LAMA3: variants seen among roughly 807,000 people sequenced by gnomAD.
LAMA3 encodes the protein laminin subunit alpha-3.
A neutral mutation model predicts 402.0 loss-of-function variants in LAMA3; 281 were observed. The ratio of observed to expected loss-of-function variants is 0.70; its 90% CI spans 0.63 to 0.77. The LOEUF (loss-of-function observed/expected upper bound fraction) is 0.77. Ranked by LOEUF, LAMA3 falls within the 30% of genes least tolerant of loss-of-function variation. The pLI is 0.00. For missense variants in LAMA3, 3,840 were observed against 4,215.5 expected, an observed-to-expected ratio of 0.91 and a Z score of 2.47; for synonymous variants, 1,431 against 1,558.4, an observed-to-expected ratio of 0.92 and a Z score of 1.93.
intron 1 of LAMA3, among the ~76,000 whole-genome samples, chr18:23,696,125 A>G (rs1199199284): frequency 6.6e-6 from 1 of 152,234 alleles, no homozygotes; most frequent in Non-Finnish European, 1.5e-5. Flanking sequence ...ATTTGTGTGC[A>G]TGAAAGACAT....
chr18:23,932,224 T>A lies in LAMA3; in HGVS notation c.8641T>A (p.Ser2881Thr). ...CAAAAGGCTAAAACACATTTCAAGT[T>A]CCCGGCAGTCTCTGCGTCTGGGCGG... ...NSKRLKHISS[S>T]RQSLRLGGSN... is the part of the protein sequence containing the mutation. The change falls in exon 66 of 75, where the codon TCC becomes ACC. Residue 2881 changes from serine to threonine, a missense_variant. Around this residue, in one of 3 missense-constraint regions of LAMA3, gnomAD observed 840 missense variants for 981.9 expected, o/e 0.86. Transcript: ENST00000313654. The A allele has an allele frequency of 6.2e-7, 1 of 1,614,154 alleles. No homozygotes were observed. The highest frequency in any genetic ancestry group is 8.5e-7 in the Non-Finnish European group (1 of 1,179,968).
At position 23,904,588 on chromosome 18, in the gene LAMA3, G is replaced by T. The variant is rs148728856; in HGVS notation, c.6509G>T (p.Arg2170Leu). The change falls in exon 51 of 75, where the codon CGC (arginine) becomes CTC (leucine). Residue 2170 changes from arginine to leucine, a missense_variant. By Grantham distance (102) the Arg-to-Leu change is moderately radical. Coordinates refer to ENST00000313654, the MANE Select transcript of LAMA3 (RefSeq NM_198129.4). ...KRNASGDELV[R>L]CAVDAATAYE... is the part of the protein sequence containing the mutation. ...AACGCCAGCGGGGATGAGCTGGTGC[G>T]CTGTGCTGTGGATGCCGCCACCGCC... 2.5e-6 allele frequency: 4 copies of T among 1,609,446 alleles called. No individual in the cohort carries two copies. The highest frequency in any genetic ancestry group is 2.2e-5 in the East Asian group (1 of 44,778).
intron 66 of LAMA3, among the ~76,000 whole-genome samples, chr18:23,933,245 A>G (rs1392798614): frequency 1.3e-5 from 2 of 152,304 alleles, no homozygotes; most frequent in African/African-American, 4.8e-5. Flanking sequence ...AGAAAGAACT[A>G]TAGTATCCCG....
intron 23 of LAMA3, 62 bp from the exon 24 acceptor site, chr18:23,833,766 G>T: frequency 6.3e-7 from 1 of 1,578,242 alleles, no homozygotes; most frequent in Non-Finnish European, 8.7e-7. Context: ...CATTGCTGAT[G>T]CAAGTGTGGC....
chr18:23,706,109 G>T (rs1448499986), intron 1 of LAMA3, among the ~76,000 whole-genome samples: 1 of 151,892 alleles, frequency 6.6e-6, no homozygotes, highest in Admixed American at 6.6e-5. Context: ...ATATTGCTGA[G>T]ATTCATCAAT....
At chr18:23,898,208 G>A (rs899501833) in intron 44 of LAMA3, 4 of 159,746 alleles carry the variant, frequency 2.5e-5, no homozygotes, top group Non-Finnish European at 5.5e-5. Flanking sequence ...AGCAATCACC[G>A]ATGAGCTATA....
intron 18 of LAMA3, among the ~76,000 whole-genome samples, chr18:23,816,883 G>A (rs949957321): frequency 3.9e-5 from 6 of 152,128 alleles, no homozygotes; most frequent in African/African-American, 1.2e-4. Flanking sequence ...CACACACCCA[G>A]TTGCCTGGGC....
At chr18:23,899,240 A>G (rs1355627330) in intron 46 of LAMA3, 48 bp from the exon 47 acceptor site, 2 of 1,543,450 alleles carry the variant, frequency 1.3e-6, no homozygotes, top group Admixed American at 1.7e-5. Context: ...TAAGTAGCCT[A>G]CTGGAGCCCA....
intron 2 of LAMA3, among the ~76,000 whole-genome samples, chr18:23,731,873 A>G (rs1278280383): frequency 6.6e-6 from 1 of 152,218 alleles, no homozygotes; most frequent in African/African-American, 2.4e-5. Context: ...CAATATACCC[A>G]TGTAACAAAC....
chr18:23,934,549 C>T (rs1599137733), intron 67 of LAMA3, among the ~76,000 whole-genome samples: 1 of 152,308 alleles, frequency 6.6e-6, no homozygotes, highest in Non-Finnish European at 1.5e-5. Flanking sequence ...AACACAGGAT[C>T]AGGGTTTAAG....
At position 23,819,913 on chromosome 18, in the gene LAMA3, T is replaced by G; in HGVS notation, c.2220T>G (p.Asn740Lys). Residue 740 changes from asparagine to lysine, a missense_variant, in exon 19 of 75, where the codon AAT (asparagine) becomes AAG (lysine). Physicochemically the swap from Asn to Lys is moderately conservative, Grantham distance 94. Around this residue, in one of 3 missense-constraint regions of LAMA3, gnomAD observed 2,109 missense variants for 2,376.0 expected, o/e 0.89. Transcript: ENST00000313654. ...AGATTGAAGACGGCAGCACACCTAA[T>G]GGGAGAGACCTTCGATTTGGATTTG... is the stretch of plus-strand genomic sequence containing the variant. ...KYEIEDGSTP[N>K]GRDLRFGFDP... 6.2e-7 allele frequency: 1 copy of G among 1,614,128 alleles called. No homozygotes were observed. The highest frequency in any genetic ancestry group is 8.5e-7 in the Non-Finnish European group (1 of 1,179,986).
chr18:23,917,140 G>T (rs753600147), intron 60 of LAMA3, among the ~76,000 whole-genome samples: 1 of 152,030 alleles, frequency 6.6e-6, no homozygotes, highest in African/African-American at 2.4e-5. Flanking sequence ...CTGTTCCTAC[G>T]TTCGTTTGTT....
intron 23 of LAMA3, among the ~76,000 whole-genome samples, chr18:23,832,345 C>G (rs1419747370): frequency 1.3e-5 from 2 of 152,130 alleles, no homozygotes; most frequent in African/African-American, 2.4e-5. Flanking sequence ...GGCTGATCCA[C>G]ATTCTTTCCC....
intron 70 of LAMA3, 55 bp from the exon 71 acceptor site, chr18:23,949,710 C>T: frequency 6.3e-7 from 1 of 1,582,102 alleles, no homozygotes; most frequent in East Asian, 2.2e-5. Flanking sequence ...CTTGGCTACC[C>T]ATGCCTTTCT....
chr18:23,814,747 T>TG (rs1489857717), intron 15 of LAMA3, among the ~76,000 whole-genome samples: 1 of 152,270 alleles, frequency 6.6e-6, no homozygotes, highest in Non-Finnish European at 1.5e-5. Flanking sequence ...ACTTGATAAA[T>TG]GGTTTTTATG....
chr18:23,802,947 C>A (rs1406431652), intron 12 of LAMA3, among the ~76,000 whole-genome samples: 3 of 152,096 alleles, frequency 2.0e-5, no homozygotes, highest in Non-Finnish European at 4.4e-5. Flanking sequence ...AAGGCCATTC[C>A]ACTGTTGTAT....
chr18:23,954,933 G>T lies in LAMA3; in HGVS notation c.*285G>T. The T allele has an allele frequency of 2.6e-6, 1 of 390,366 alleles. No homozygotes were observed. Among genetic ancestry groups the T allele is most frequent in the East Asian group, 5.3e-5 (1 of 18,838 alleles). 24.2% of individuals were successfully genotyped at this position (390,366 alleles called of 1,614,324 possible). On this transcript the variant is annotated 3_prime_UTR_variant, in exon 75 of 75. Transcript: ENST00000313654. ...ATTAATTTCCACTAAAAAATTAAAT[G>T]TCTTTTAAGAAACATTCTTTTCCAC...
In LAMA3 at chr18:23,775,898, A is replaced by G; in HGVS notation, c.1380A>G (p.Gly460=). Residue 460 remains glycine (G), a synonymous_variant, in exon 10 of 75, where the codon GGA becomes GGG. Transcript: ENST00000313654. ...HGDNCEKCAI[G]YYNFPFCLRI... ...ACAACTGTGAGAAGTGTGCAATTGG[A>G]TACTACAATTTCCCATTTTGCTTGA... 1 of 1,614,132 alleles carries G rather than the reference A, an allele frequency of 6.2e-7. No individual in the cohort carries two copies. Among genetic ancestry groups the G allele is most frequent in the Non-Finnish European group, 8.5e-7 (1 of 1,180,022 alleles).
rs187989895 is a variant in LAMA3, at chr18:23,728,912, T to C, written c.447+14840T>C. 8.5e-3 allele frequency among the ~76,000 whole-genome samples: 1,291 copies of C among 151,358 alleles called. 13 individuals carry two copies. Among genetic ancestry groups the C allele is most frequent in the South Asian group, 0.064 (308 of 4,780 alleles). ...TAGGTGTGGTGGTGCGCACCTATAG[T>C]CTCAGCTACTCAGAAGGCTGAGACG... On this transcript the variant is annotated intron_variant, in intron 2 of 74. Coordinates refer to ENST00000313654, the MANE Select transcript of LAMA3 (RefSeq NM_198129.4).
Sources: allele counts gnomAD v4.1 joint callset (sites outside exome capture counted in the v4.1 genomes callset), GRCh38; gene constraint gnomAD v4.1.1; regional missense constraint gnomAD v4.1.1; transcripts MANE v1.5; gene names NCBI Gene and HGNC (gene_info 2026-07-23, HGNC 2026-07-21).